IMMP2L: variants seen among roughly 807,000 people sequenced by gnomAD.
IMMP2L encodes mitochondrial inner membrane protease subunit 2.
IMMP2L carries 18 observed loss-of-function variants against 19.3 expected under a neutral mutation model. The observed-to-expected ratio is 0.93, with a 90% confidence interval of 0.64 to 1.38. The LOEUF (loss-of-function observed/expected upper bound fraction) is 1.38. Ranked by LOEUF, IMMP2L falls within the 40% of genes most tolerant of loss-of-function variation. The pLI, the probability that IMMP2L is intolerant of heterozygous loss-of-function variation, is 0.00. For synonymous variants in IMMP2L, 76 were observed against 73.0 expected, an observed-to-expected ratio of 1.04 and a Z score of -0.21; for missense variants, 233 against 218.2, an observed-to-expected ratio of 1.07 and a Z score of -0.43.
In IMMP2L at chr7:111,316,854, T is replaced by C. The variant is rs949280434; in HGVS notation, c.239+170384A>G. ...GGCTCCTTTTTTTTTTCTTTTTTTTTTTTTTTTTTTTTTTGAGATGGAGTC... is the reference window on the plus strand; with the variant it reads ...GGCTCCTTTTTTTTTTCTTTTTTTTCTTTTTTTTTTTTTTGAGATGGAGTC... On this transcript the variant is annotated intron_variant, in intron 3 of 5. Coordinates refer to ENST00000405709, the MANE Select transcript of IMMP2L (RefSeq NM_032549.4). 3.7e-4 allele frequency among the ~76,000 whole-genome samples: 51 copies of C among 137,316 alleles called. 1 individual carries two copies. Among genetic ancestry groups the C allele is most frequent in the East Asian group, 1.9e-3 (9 of 4,840 alleles). 90.1% of individuals were successfully genotyped at this position (137,316 alleles called of 152,430 possible).
chr7:111,035,659 T>C (rs1791268770), intron 3 of IMMP2L, among the ~76,000 whole-genome samples: 2 of 152,204 alleles, frequency 1.3e-5, no homozygotes, highest in African/African-American at 4.8e-5. Context: ...ACTTTCAAAT[T>C]ATTGACAATT....
chr7:110,723,275 C>A, intron 5 of IMMP2L, among the ~76,000 whole-genome samples: 1 of 152,076 alleles, frequency 6.6e-6, no homozygotes, highest in South Asian at 2.1e-4. Context: ...CCCCTCCAAG[C>A]AAAGATGACG....
intron 3 of IMMP2L, among the ~76,000 whole-genome samples, chr7:110,974,118 T>C (rs940976255): frequency 2.0e-5 from 3 of 152,232 alleles, no homozygotes; most frequent in South Asian, 4.1e-4. Flanking sequence ...GAAATAATCT[T>C]TAACTGGTCT....
intron 3 of IMMP2L, among the ~76,000 whole-genome samples, chr7:111,282,595 T>A: frequency 6.6e-6 from 1 of 152,160 alleles, no homozygotes; most frequent in East Asian, 1.9e-4. Flanking sequence ...TGATTTTTTT[T>A]TTCTTTTTAA....
At chr7:111,224,565 G>T (rs1180021375) in intron 3 of IMMP2L, among the ~76,000 whole-genome samples, 1 of 152,068 alleles carries the variant, frequency 6.6e-6, no homozygotes, top group Non-Finnish European at 1.5e-5. Context: ...GTAGATACTT[G>T]GTGACAGAGG....
intron 3 of IMMP2L, among the ~76,000 whole-genome samples, chr7:111,046,472 A>C (rs1585936487): frequency 6.6e-6 from 1 of 152,258 alleles, no homozygotes; most frequent in East Asian, 1.9e-4. Flanking sequence ...GATATATAGA[A>C]AAGTATACAC....
intron 3 of IMMP2L, among the ~76,000 whole-genome samples, chr7:111,448,198 C>A (rs893196578): frequency 7.9e-6 from 1 of 126,576 alleles, no homozygotes; most frequent in African/African-American, 3.8e-5. Context: ...CAGCTCTGCA[C>A]CAAGCGGACC....
intron 3 of IMMP2L, among the ~76,000 whole-genome samples, chr7:111,342,951 C>G (rs745718027): frequency 2.6e-5 from 4 of 151,946 alleles, no homozygotes; most frequent in Non-Finnish European, 5.9e-5. Flanking sequence ...ACTCAAATTG[C>G]CTAAAAATTT....
chr7:110,917,100 A>C (rs980120271), intron 4 of IMMP2L, among the ~76,000 whole-genome samples: 2 of 152,170 alleles, frequency 1.3e-5, no homozygotes, highest in African/African-American at 4.8e-5. Context: ...GACAAAAAAC[A>C]CACGTGGGAG....
chr7:110,755,721 T>C (rs1197517093), intron 5 of IMMP2L, among the ~76,000 whole-genome samples: 2 of 152,044 alleles, frequency 1.3e-5, no homozygotes, highest in Non-Finnish European at 2.9e-5. Context: ...AGATGGGTCT[T>C]AGAAGAGAAG....
chr7:110,988,814 T>C (rs1268764369), intron 3 of IMMP2L, among the ~76,000 whole-genome samples: 2 of 152,214 alleles, frequency 1.3e-5, no homozygotes, highest in Non-Finnish European at 2.9e-5. Context: ...TAGAATAATA[T>C]CTGATAATTT....
At chr7:111,307,842 A>G (rs1344195507) in intron 3 of IMMP2L, among the ~76,000 whole-genome samples, 1 of 151,836 alleles carries the variant, frequency 6.6e-6, no homozygotes, top group Non-Finnish European at 1.5e-5. Context: ...TCTTGTTGTT[A>G]GGTGTAAATC....
At chr7:110,695,990 G>A (rs1793849027) in intron 5 of IMMP2L, among the ~76,000 whole-genome samples, 1 of 152,184 alleles carries the variant, frequency 6.6e-6, no homozygotes, top group Admixed American at 6.5e-5. Flanking sequence ...AGAGGTAAAT[G>A]TACATGTCAG....
At chr7:110,880,591 T>C (rs931786343) in intron 5 of IMMP2L, among the ~76,000 whole-genome samples, 1 of 152,072 alleles carries the variant, frequency 6.6e-6, no homozygotes, top group Non-Finnish European at 1.5e-5. Context: ...TTTTGTCTTA[T>C]GGGCGCCTCA....
chr7:110,758,911 C>T lies in IMMP2L; in HGVS notation c.409-95190G>A, dbSNP rs150453217. On this transcript the variant is annotated intron_variant, in intron 5 of 5. Coordinates refer to ENST00000405709, the MANE Select transcript of IMMP2L (RefSeq NM_032549.4). The surrounding 1 kb of genome is among the most constrained non-coding windows in gnomAD (Gnocchi z 4.6). ...CATGGAGAGAAAAAAATGAAAAGTG[C>T]TTATAGACAGAGACGTCTAGAAATG... Among the ~76,000 whole-genome samples the T allele has an allele frequency of 2.2e-4, 33 of 152,162 alleles. No individual in the cohort carries two copies. The East Asian group carries it at 6.2e-3, about 29-fold the overall frequency.
chr7:111,340,129 G>A (rs1826866535), intron 3 of IMMP2L, among the ~76,000 whole-genome samples: 1 of 151,964 alleles, frequency 6.6e-6, no homozygotes, highest in African/African-American at 2.4e-5. Context: ...CAAATGAACT[G>A]AAATCCGAAA....
chr7:111,114,027 TAA>T (rs1799546936), intron 3 of IMMP2L, among the ~76,000 whole-genome samples: 2 of 152,136 alleles, frequency 1.3e-5, no homozygotes, highest in Middle Eastern at 3.4e-3. Context: ...TTGATAGAAA[TAA>T]AGAGTGGACA....
At chr7:110,677,873 A>G (rs555326569) in intron 5 of IMMP2L, among the ~76,000 whole-genome samples, 1 of 152,250 alleles carries the variant, frequency 6.6e-6, no homozygotes, top group Non-Finnish European at 1.5e-5. Flanking sequence ...GGGTGGCACA[A>G]TGGGTGAGCT....
chr7:110,836,669 A>G (rs769102915), intron 5 of IMMP2L, among the ~76,000 whole-genome samples: 1 of 152,134 alleles, frequency 6.6e-6, no homozygotes, highest in Non-Finnish European at 1.5e-5. Context: ...ATAAACACAC[A>G]TGGCAAAATT....
Sources: gnomAD v4.1 joint callset for allele counts (sites outside exome capture counted in the v4.1 genomes callset) on GRCh38, gnomAD v4.1.1 for gene constraint, Gnocchi (gnomAD v3.1) non-coding constraint, MANE v1.5 for transcripts, NCBI Gene and HGNC (gene_info 2026-07-23, HGNC 2026-07-21) for gene names.